Variants in CLEC17A observed in about 807,000 individuals in gnomAD.
CLEC17A encodes the protein C-type lectin domain containing 17A, also known as C-type lectin domain family 17, member A.
CLEC17A carries 37 observed loss-of-function variants against 61.3 expected under a neutral mutation model. The observed-to-expected ratio is 0.60, with a 90% CI of 0.46 to 0.79. The LOEUF (loss-of-function observed/expected upper bound fraction) is 0.79, where lower values mean the gene tolerates loss of function less well. CLEC17A is among the 30% of genes least tolerant of loss of function. The pLI is 0.00. For synonymous variants in CLEC17A, 168 were observed against 164.9 expected (o/e 1.02, Z -0.14); for missense variants, 418 against 464.7 (o/e 0.90, Z 0.92).
rs945947002 is a variant in CLEC17A at position 14,596,883 on chromosome 19, A to G, written c.453A>G (p.Pro151=). 9.9e-6 allele frequency: 16 copies of G among 1,608,908 alleles called. No homozygotes were observed. Among genetic ancestry groups the G allele is most frequent in the African/African-American group, 1.3e-5 (1 of 74,712 alleles). The part of the protein sequence containing the change: ...SPLQPSLAAT[P]VPWLNQRSGG... ...CCCATCCCCACTCCCCAGCAACTCC[A>G]GTCCCCTGGCTCAATCAGAGGTCTG... Residue 151 remains proline (P), a synonymous_variant, in exon 9 of 14, where the codon CCA becomes CCG. Coordinates refer to ENST00000417570, the MANE Select transcript of CLEC17A (RefSeq NM_001204118.2).
In CLEC17A at chr19:14,594,528, C is replaced by T; in HGVS notation, c.289C>T (p.Pro97Ser). ...DLPPKPGSSA[P>S]PRPPRAAKET... is the part of the protein sequence containing the mutation. ...CTTCTCTTCTCCAGGTTCAAGTGCT[C>T]CACCAAGACCTCCAAGGGCAGGTGA... Residue 97 changes from proline to serine, a missense_variant, in exon 5 of 14, where the codon CCA becomes TCA. Physicochemically the swap from Pro to Ser is moderately conservative, Grantham distance 74. Transcript: ENST00000417570. The T allele has an allele frequency of 6.3e-7, 1 of 1,596,516 alleles. No homozygotes were observed. The highest frequency in any genetic ancestry group is 1.1e-5 in the South Asian group (1 of 88,622).
In CLEC17A at chr19:14,592,312, C is replaced by T. The variant is rs764674868; in HGVS notation, c.231C>T (p.Asp77=). 134 of 1,603,322 alleles carry T rather than the reference C, an allele frequency of 8.4e-5. No individual in the cohort carries two copies. Among genetic ancestry groups the T allele is most frequent in the Middle Eastern group, 4.9e-4 (3 of 6,074 alleles). ...GTMEEEEEDD[D]YENSTPPYKD... ...TGGAGGAGGAGGAGGAGGATGATGA[C>T]TATGAGAACTCAACACCTCCCTACA... Residue 77 remains aspartate, a synonymous_variant, in exon 4 of 14, where the codon GAC becomes GAT. Transcript: ENST00000417570.
chr19:14,611,371 C>CT lies in CLEC17A; in HGVS notation c.*1199dup, dbSNP rs71166767. On this transcript the variant is annotated 3_prime_UTR_variant, in exon 14 of 14. Coordinates refer to ENST00000417570, the MANE Select transcript of CLEC17A (RefSeq NM_001204118.2). The stretch of plus-strand genomic sequence containing the variant: ...AGACTTGGCCCGTGGAACTTCTATC[C>CT]TTTTTTTTTTTTTTTTTTTTTTTTG... Among the ~76,000 whole-genome samples the CT allele has an allele frequency of 0.067, 5,047 of 75,786 alleles. 192 individuals carry two copies. Among genetic ancestry groups the CT allele is most frequent in the Non-Finnish European group, 0.086 (3,382 of 39,450 alleles). 49.7% of individuals were successfully genotyped at this position (75,786 alleles called of 152,430 possible).
At chr19:14,593,350 A>AG (rs1311898933) in intron 4 of CLEC17A, among the ~76,000 whole-genome samples, 12 of 151,478 alleles carry the variant, frequency 7.9e-5, no homozygotes, top group African/African-American at 2.9e-4. Flanking sequence ...AAAAAAAAAA[A>AG]AAAAGGGAAG....
intron 3 of CLEC17A, among the ~76,000 whole-genome samples, chr19:14,590,897 T>G (rs1433832382): frequency 6.7e-6 from 1 of 148,848 alleles, no homozygotes; most frequent in Non-Finnish European, 1.5e-5. Context: ...AGGGTCTTGC[T>G]ATGTTGCCCA....
chr19:14,588,126 T>C (rs2074329313), intron 3 of CLEC17A, among the ~76,000 whole-genome samples: 1 of 152,002 alleles, frequency 6.6e-6, no homozygotes, highest in Non-Finnish European at 1.5e-5. Flanking sequence ...CCAGGTTTTA[T>C]TTAGACTTGG....
chr19:14,610,286 G>A lies in CLEC17A; in HGVS notation c.*90G>A. On this transcript the variant is annotated 3_prime_UTR_variant, in exon 14 of 14. Coordinates refer to ENST00000417570, the MANE Select transcript of CLEC17A (RefSeq NM_001204118.2). Reference sequence around the variant, plus strand: ...TTCGTGGACGGCCTTGCCTCTTCGTGAGTGGACACACAGATGTGCCTCAAA... The same window carrying A: ...TTCGTGGACGGCCTTGCCTCTTCGTAAGTGGACACACAGATGTGCCTCAAA... 6.7e-7 allele frequency: 1 copy of A among 1,503,290 alleles called. No homozygotes were observed. The highest frequency in any genetic ancestry group is 8.9e-7 in the Non-Finnish European group (1 of 1,125,866). 93.1% of individuals were successfully genotyped at this position (1,503,290 alleles called of 1,614,324 possible).
chr19:14,597,075 C>G, intron 9 of CLEC17A, 24 bp from the exon 10 acceptor site: 1 of 1,612,364 alleles, frequency 6.2e-7, no homozygotes, highest in Non-Finnish European at 8.5e-7. Flanking sequence ...AGGACCTGGG[C>G]TCAATTTGGA....
rs538764182 is a variant in CLEC17A at position 14,591,243 on chromosome 19, C to T, written c.200-1038C>T. 1.7e-3 allele frequency among the ~76,000 whole-genome samples: 240 copies of T among 142,750 alleles called. 1 individual carries two copies. The highest frequency in any genetic ancestry group is 6.0e-3 in the African/African-American group (229 of 38,198). The allele number at this position is 142,750 out of a possible 152,430, so 93.6% of individuals were successfully genotyped here. The stretch of plus-strand genomic sequence containing the variant: ...GATCTCGGCTCACTGCAAGCTCCGC[C>T]TCCCAGGTTCACGCCATTCTCCTGC... On this transcript the variant is annotated intron_variant, in intron 3 of 13. Transcript: ENST00000417570.
chr19:14,606,212 T>G (rs1419069307), intron 12 of CLEC17A, among the ~76,000 whole-genome samples: 1 of 152,036 alleles, frequency 6.6e-6, no homozygotes, highest in Non-Finnish European at 1.5e-5. Flanking sequence ...ACTTAAATGT[T>G]ATAATGCTAC....
At chr19:14,605,591 C>T (rs1293215667) in intron 12 of CLEC17A, among the ~76,000 whole-genome samples, 2 of 152,152 alleles carry the variant, frequency 1.3e-5, no homozygotes. Context: ...TATCCTTTTT[C>T]TAGTTAATCC....
intron 2 of CLEC17A, among the ~76,000 whole-genome samples, chr19:14,587,154 A>T (rs1171433107): frequency 6.6e-6 from 1 of 151,338 alleles, no homozygotes; most frequent in African/African-American, 2.4e-5. Flanking sequence ...CAGCCTCCCA[A>T]AGTGCTGGGA....
chr19:14,607,379 A>G (rs909771178), intron 13 of CLEC17A, among the ~76,000 whole-genome samples: 3 of 149,552 alleles, frequency 2.0e-5, no homozygotes, highest in Admixed American at 6.7e-5. Flanking sequence ...AATTTTTTGT[A>G]TTTTTAGTAG....
chr19:14,596,456 C>A (rs2146704300), intron 8 of CLEC17A, among the ~76,000 whole-genome samples: 1 of 152,056 alleles, frequency 6.6e-6, no homozygotes, highest in East Asian at 1.9e-4. Flanking sequence ...CATGGCGAGA[C>A]CCCCATCTCT....
Position 14,611,974 on chromosome 19 carries a change from A to G in CLEC17A, c.*1778A>G, listed in dbSNP as rs977779099. Among the ~76,000 whole-genome samples, 2 of 152,218 alleles carry G rather than the reference A, an allele frequency of 1.3e-5. No individual in the cohort carries two copies. The highest frequency in any genetic ancestry group is 1.9e-4 in the East Asian group (1 of 5,194). ...AGCCGAGATTGTGCCACTGCACTCCAGCCTGGGTGACAGAGCAAGACTCCA... is the reference window on the plus strand; with the variant it reads ...AGCCGAGATTGTGCCACTGCACTCCGGCCTGGGTGACAGAGCAAGACTCCA... On this transcript the variant is annotated 3_prime_UTR_variant, in exon 14 of 14. Coordinates refer to ENST00000417570, the MANE Select transcript of CLEC17A (RefSeq NM_001204118.2).
rs1447918734 is a variant in CLEC17A, at chr19:14,594,626, C to A, written c.311-6C>A. On this transcript the variant is annotated splice_region_variant and splice_polypyrimidine_tract_variant and intron_variant, in intron 5 of 13. Transcript: ENST00000417570. ...TGGCCCTGACCAACCATTCCTCCCT[C>A]CTCAGCAAAGGAAACAGAGAAACCC... 6.8e-6 allele frequency: 11 copies of A among 1,613,924 alleles called. No individual in the cohort carries two copies. In the East Asian group the frequency reaches 2.0e-4, roughly 29 times the overall value.
chr19:14,602,907 G>T (rs1292662069), intron 12 of CLEC17A, among the ~76,000 whole-genome samples: 2 of 151,930 alleles, frequency 1.3e-5, no homozygotes, highest in African/African-American at 4.8e-5. Context: ...GGCTAATTTT[G>T]TACTTTTGGT....
At chr19:14,594,238 C>G (rs958556008) in intron 4 of CLEC17A, among the ~76,000 whole-genome samples, 2 of 152,018 alleles carry the variant, frequency 1.3e-5, no homozygotes, top group Non-Finnish European at 2.9e-5. Context: ...GATCACGCCA[C>G]TGCACTCCAG....
At position 14,611,371 on chromosome 19, in the gene CLEC17A, CTTTTTTTTTTTT is replaced by C. The variant is rs71166767; in HGVS notation, c.*1188_*1199del. On this transcript the variant is annotated 3_prime_UTR_variant, in exon 14 of 14. Transcript: ENST00000417570. The stretch of plus-strand genomic sequence containing the variant: ...AGACTTGGCCCGTGGAACTTCTATC[CTTTTTTTTTTTT>C]TTTTTTTTTTTTGAGATAGGGTTTC... 1.3e-5 allele frequency among the ~76,000 whole-genome samples: 1 copy of C among 75,972 alleles called. No individual in the cohort carries two copies. Among genetic ancestry groups the C allele is most frequent in the Non-Finnish European group, 2.5e-5 (1 of 39,562 alleles). The allele number at this position is 75,972 out of a possible 152,430, so 49.8% of individuals were successfully genotyped here. A position where few individuals can be genotyped will look rare whatever the true frequency, so the allele number is the denominator to read the frequency against.
Sources: allele counts gnomAD v4.1 joint callset (sites outside exome capture counted in the v4.1 genomes callset), GRCh38; gene constraint gnomAD v4.1.1; transcripts MANE v1.5; gene names NCBI Gene and HGNC (gene_info 2026-07-23, HGNC 2026-07-21).